Variants in PSMB3 observed in about 807,000 individuals in gnomAD.
PSMB3 encodes proteasome 20S subunit beta 3, also known as proteasome subunit beta type-3.
Under a neutral mutation model 23.3 loss-of-function variants are expected in PSMB3, and 5 were observed. The ratio of observed to expected loss-of-function variants is 0.21; its 90% CI spans 0.11 to 0.45. The LOEUF is 0.45. PSMB3 is among the 20% of genes least tolerant of loss of function. The pLI, the probability that PSMB3 is intolerant of heterozygous loss-of-function variation, is 0.99. For synonymous variants in PSMB3, 85 were observed against 99.8 expected, an observed-to-expected ratio of 0.85 and a Z score of 0.88; for missense variants, 192 against 277.9, an observed-to-expected ratio of 0.69 and a Z score of 2.20.
At chr17:38,753,717 G>A (rs1488867496) in intron 2 of PSMB3, among the ~76,000 whole-genome samples, 2 of 152,174 alleles carry the variant, frequency 1.3e-5, no homozygotes, top group Non-Finnish European at 2.9e-5. Context: ...GACCTCAAGT[G>A]ATCCACCTGC....
At chr17:38,756,136 G>C (rs1412983500) in intron 3 of PSMB3, 146 bp downstream of exon 3, 4 of 678,508 alleles carry the variant, frequency 5.9e-6, no homozygotes, top group Non-Finnish European at 1.0e-5. Context: ...TTTTCTTTGG[G>C]CCTGTCTGGC....
At chr17:38,756,686 G>C (rs1908210988) in intron 3 of PSMB3, among the ~76,000 whole-genome samples, 2 of 151,982 alleles carry the variant, frequency 1.3e-5, no homozygotes, top group African/African-American at 4.8e-5. Flanking sequence ...AGTAGAGACA[G>C]AGTTTCAACA....
intron 3 of PSMB3, among the ~76,000 whole-genome samples, chr17:38,757,905 C>G (rs1370387979): frequency 2.0e-5 from 3 of 152,112 alleles, no homozygotes; most frequent in Non-Finnish European, 4.4e-5. Flanking sequence ...CCGCCCACCT[C>G]AGCCTCCCAA....
At chr17:38,756,904 G>A (rs980070619) in intron 3 of PSMB3, among the ~76,000 whole-genome samples, 38 of 149,014 alleles carry the variant, frequency 2.6e-4, no homozygotes, top group African/African-American at 8.9e-4. Flanking sequence ...TTTTGAGATG[G>A]TGTCTTGCTC....
At chr17:38,755,238 TG>T (rs2143214698) in intron 2 of PSMB3, 1 of 152,316 alleles carries the variant, frequency 6.6e-6, no homozygotes, top group South Asian at 2.1e-4. Flanking sequence ...CCCAAAGTGC[TG>T]GGATTACAGG....
intron 3 of PSMB3, among the ~76,000 whole-genome samples, chr17:38,757,398 A>G (rs1186438887): frequency 6.6e-6 from 1 of 151,888 alleles, no homozygotes; most frequent in Non-Finnish European, 1.5e-5. Flanking sequence ...GCACGCCTGT[A>G]ATCCCAGCCA....
chr17:38,753,039 C>T, intron 1 of PSMB3, 111 bp from the exon 2 acceptor site: 2 of 1,308,970 alleles, frequency 1.5e-6, no homozygotes, highest in Non-Finnish European at 2.1e-6. Flanking sequence ...GGGGTTCAGA[C>T]GCCTCCGGAA....
intron 2 of PSMB3, among the ~76,000 whole-genome samples, chr17:38,755,676 A>ATGTGTGTGTGTGTGTG (rs1377200061): frequency 7.4e-5 from 8 of 107,784 alleles, no homozygotes; most frequent in Middle Eastern, 4.8e-3. Flanking sequence ...ATATATATAT[A>ATGTGTGTGTGTGTGTG]TATATATGTG....
At chr17:38,759,219 T>C (rs1400018157) in intron 3 of PSMB3, among the ~76,000 whole-genome samples, 3 of 152,256 alleles carry the variant, frequency 2.0e-5, no homozygotes, top group Non-Finnish European at 4.4e-5. Flanking sequence ...ATGGGTATTT[T>C]GTAGACATAG....
intron 4 of PSMB3, among the ~76,000 whole-genome samples, chr17:38,761,255 G>A (rs1301145839): frequency 6.6e-6 from 1 of 151,556 alleles, no homozygotes; most frequent in Non-Finnish European, 1.5e-5. Flanking sequence ...GGGAGGCTGA[G>A]GAGAATCGCT....
intron 3 of PSMB3, among the ~76,000 whole-genome samples, chr17:38,757,238 G>T (rs959990607): frequency 1.3e-5 from 2 of 151,952 alleles, no homozygotes; most frequent in South Asian, 4.1e-4. Context: ...TAAATGGCTT[G>T]CTGGGCGTGG....
intron 5 of PSMB3, among the ~76,000 whole-genome samples, chr17:38,763,182 G>A (rs1243211322): frequency 1.3e-5 from 2 of 151,956 alleles, no homozygotes; most frequent in South Asian, 2.1e-4. Flanking sequence ...GCGAAACCCC[G>A]TTTCTACTAA....
chr17:38,754,529 G>C (rs1908075899), intron 2 of PSMB3, among the ~76,000 whole-genome samples: 2 of 152,086 alleles, frequency 1.3e-5, no homozygotes, highest in Non-Finnish European at 2.9e-5. Context: ...AAAACTCCCT[G>C]AGTCTCAAGA....
chr17:38,753,318 A>G lies in PSMB3; in HGVS notation c.172A>G (p.Thr58Ala). ...RLYIGLAGLA[T>A]DVQTVAQRLK... ...GTACATCGGTCTGGCCGGGCTCGCC[A>G]CTGACGTCCAGACAGTGTAAGTTTC... Residue 58 changes from threonine (T) to alanine (A), a missense_variant, in exon 2 of 6, where the codon ACT (threonine) becomes GCT (alanine). Transcript: ENST00000619426. 6.2e-7 allele frequency: 1 copy of G among 1,613,876 alleles called. No individual in the cohort carries two copies.
At position 38,755,658 on chromosome 17, in the gene PSMB3, AAATATATATAT is replaced by A. The variant is rs1310046708; in HGVS notation, c.189-223_189-213del. Among the ~76,000 whole-genome samples the A allele has an allele frequency of 1.3e-4, 14 of 106,102 alleles. 1 individual carries two copies. The highest frequency in any genetic ancestry group is 2.1e-4 in the African/African-American group (5 of 23,308). 69.6% of individuals were successfully genotyped at this position (106,102 alleles called of 152,430 possible). On this transcript the variant is annotated intron_variant, in intron 2 of 5. Coordinates refer to ENST00000619426, the MANE Select transcript of PSMB3 (RefSeq NM_002795.4). ...GTGAGACTCCGTCTAAAAAAAAAAA[AAATATATATAT>A]ATATATATATATATGTGTGTGTGTG...
At position 38,753,138 on chromosome 17, in the gene PSMB3, T is replaced by C; in HGVS notation, c.4-12T>C. 1 of 1,607,624 alleles carries C rather than the reference T, an allele frequency of 6.2e-7. No individual in the cohort carries two copies. The highest frequency in any genetic ancestry group is 8.5e-7 in the Non-Finnish European group (1 of 1,176,074). ...ACCCCCCGCGCTGACCCCTCCGCTC[T>C]GTCTGTCCTAGTCTATTATGTCCTA... On this transcript the variant is annotated splice_polypyrimidine_tract_variant and intron_variant, in intron 1 of 5. Coordinates refer to ENST00000619426, the MANE Select transcript of PSMB3 (RefSeq NM_002795.4).
At chr17:38,760,230 GAA>G (rs952234553) in intron 3 of PSMB3, among the ~76,000 whole-genome samples, 199 bp from the exon 4 acceptor site, 5 of 152,206 alleles carry the variant, frequency 3.3e-5, no homozygotes, top group African/African-American at 1.2e-4. Context: ...TTGAAGAAAA[GAA>G]AGTGGAAAAG....
At chr17:38,763,691 C>T (rs530739751) in intron 5 of PSMB3, among the ~76,000 whole-genome samples, 7 of 151,886 alleles carry the variant, frequency 4.6e-5, no homozygotes, top group South Asian at 2.1e-4. Context: ...TTAGTAGAGA[C>T]GGGGTTTCAC....
In PSMB3 at chr17:38,755,678, A is replaced by ATGTGTGTGTG. The variant is rs1207952481; in HGVS notation, c.189-204_189-203insGTGTGTGTGT. On this transcript the variant is annotated intron_variant, in intron 2 of 5. Transcript: ENST00000619426. ...AAAAAAAATATATATATATATATAT[A>ATGTGTGTGTG]TATATGTGTGTGTGTGTGTGTGTGT... 1.7e-3 allele frequency among the ~76,000 whole-genome samples: 183 copies of ATGTGTGTGTG among 107,074 alleles called. 1 individual carries two copies. The East Asian group carries it at 0.02, about 11-fold the overall frequency. 70.2% of individuals were successfully genotyped at this position (107,074 alleles called of 152,430 possible). A position where few individuals can be genotyped will look rare whatever the true frequency, so the allele number is the denominator to read the frequency against.
Sources: allele counts gnomAD v4.1 joint callset (sites outside exome capture counted in the v4.1 genomes callset), GRCh38; gene constraint gnomAD v4.1.1; transcripts MANE v1.5; gene names NCBI Gene and HGNC (gene_info 2026-07-23, HGNC 2026-07-21).